Variants in LDLRAD1 observed in about 807,000 individuals in gnomAD.
LDLRAD1 encodes low-density lipoprotein receptor class A domain-containing protein 1.
LDLRAD1 carries 17 observed loss-of-function variants against 24.8 expected under a neutral mutation model. The ratio of observed to expected loss-of-function variants is 0.69; its 90% CI spans 0.47 to 1.03. The LOEUF (loss-of-function observed/expected upper bound fraction) is 1.03, where lower values mean the gene tolerates loss of function less well. Among genes scored for constraint, LDLRAD1 ranks in the 50% least tolerant of loss-of-function variants. The pLI is 0.00. For missense variants in LDLRAD1, 277 were observed against 271.0 expected (o/e 1.02, Z -0.16); for synonymous variants, 103 against 108.2 (o/e 0.95, Z 0.30).
At chr1:54,015,640 CTTTTGTTTT>C (rs964185529) in intron 2 of LDLRAD1, among the ~76,000 whole-genome samples, 33 of 147,194 alleles carry the variant, frequency 2.2e-4, no homozygotes, top group African/African-American at 3.0e-4. Context: ...GTGGTGGGGG[CTTTTGTTTT>C]TTTTGTTTTT....
rs1168850121 is a variant in LDLRAD1, at chr1:54,010,323, C to A, written c.428G>T (p.Gly143Val). ...SWIYSDQKCD[G>V]TNNCGDCSDE... ...TGAACAGTCCCCGCAGTTGTTAGTGCCATCACATTTTTGGTCTGAGTAGAT... is the reference window on the plus strand; with the variant it reads ...TGAACAGTCCCCGCAGTTGTTAGTGACATCACATTTTTGGTCTGAGTAGAT... Residue 143 changes from glycine (G) to valine (V), a missense_variant, in exon 5 of 6, where the codon GGC (glycine) becomes GTC (valine). Gly to Val is a moderately radical substitution (Grantham distance 109). Coordinates refer to ENST00000371360, the MANE Select transcript of LDLRAD1 (RefSeq NM_001010978.4). 7 of 1,613,928 alleles carry A rather than the reference C, an allele frequency of 4.3e-6. No homozygotes were observed. The highest frequency in any genetic ancestry group is 5.9e-6 in the Non-Finnish European group (7 of 1,180,002).
At position 54,008,884 on chromosome 1, in the gene LDLRAD1, A is replaced by T; in HGVS notation, c.*98T>A. The T allele has an allele frequency of 1.3e-5, 12 of 932,004 alleles. No homozygotes were observed. The highest frequency in any genetic ancestry group is 6.4e-5 in the East Asian group (2 of 31,038). The allele number at this position is 932,004 out of a possible 1,614,324, so 57.7% of individuals were successfully genotyped here. The stretch of plus-strand genomic sequence containing the variant: ...AAATGATGTGTAGATCCCATTTCAA[A>T]GGCTGCTTCCTGCCCTTGTGCGCTA... On this transcript the variant is annotated 3_prime_UTR_variant, in exon 6 of 6. Coordinates refer to ENST00000371360, the MANE Select transcript of LDLRAD1 (RefSeq NM_001010978.4).
At chr1:54,014,906 G>A (rs575699956) in intron 2 of LDLRAD1, among the ~76,000 whole-genome samples, 80 of 152,228 alleles carry the variant, frequency 5.3e-4, no homozygotes, top group Middle Eastern at 3.4e-3. Flanking sequence ...CTGGGATGCA[G>A]GTTGGAATCC....
In LDLRAD1 at chr1:54,014,300, G is replaced by A. The variant is rs1656197577; in HGVS notation, c.138C>T (p.Leu46=). The A allele has an allele frequency of 4.5e-6, 7 of 1,550,830 alleles. No individual in the cohort carries two copies. Among genetic ancestry groups the A allele is most frequent in the Non-Finnish European group, 6.1e-6 (7 of 1,147,116 alleles). ...GACLSASLLL[L]LATVAALIAL... ...CGATGAGGGCCGCCACAGTTGCCAGGAGGAGCAGCAGAGAGGCAGAGAGGC... is the reference window on the plus strand; with the variant it reads ...CGATGAGGGCCGCCACAGTTGCCAGAAGGAGCAGCAGAGAGGCAGAGAGGC... Residue 46 remains leucine, a synonymous_variant, in exon 3 of 6, where the codon CTC becomes CTT. Transcript: ENST00000371360.
In LDLRAD1 at chr1:54,014,286, G is replaced by T; in HGVS notation, c.152C>A (p.Ala51Glu). ...ASLLLLLATV[A>E]ALIALVTILG... Reference sequence around the variant, plus strand: ...AATGGTGACCAAGGCGATGAGGGCCGCCACAGTTGCCAGGAGGAGCAGCAG... The same window carrying T: ...AATGGTGACCAAGGCGATGAGGGCCTCCACAGTTGCCAGGAGGAGCAGCAG... The change falls in exon 3 of 6, where the codon GCG becomes GAG. Residue 51 changes from alanine (A) to glutamate (E), a missense_variant. Ala to Glu is a moderately radical substitution (Grantham distance 107). Transcript: ENST00000371360. 1 of 1,551,298 alleles carries T rather than the reference G, an allele frequency of 6.4e-7. No homozygotes were observed. The highest frequency in any genetic ancestry group is 8.7e-7 in the Non-Finnish European group (1 of 1,147,344).
chr1:54,010,496 G>GCAATCA lies in LDLRAD1; in HGVS notation c.341-87_341-86insTGATTG, dbSNP rs1025110359. On this transcript the variant is annotated intron_variant, in intron 4 of 5. Transcript: ENST00000371360. ...ATCGGGAGGAGGATTGACCACCCTGGCAGTGGCCAAACTCAGGATCAGTGC... is the reference window on the plus strand; with the variant it reads ...ATCGGGAGGAGGATTGACCACCCTGGCAATCACAGTGGCCAAACTCAGGATCAGTGC... The GCAATCA allele has an allele frequency of 2.5e-5, 36 of 1,418,154 alleles. No individual in the cohort carries two copies. In the Middle Eastern group the frequency reaches 6.1e-4, roughly 24 times the overall value. 87.8% of individuals were successfully genotyped at this position (1,418,154 alleles called of 1,614,324 possible). A position where few individuals can be genotyped will look rare whatever the true frequency, so the allele number is the denominator to read the frequency against.
chr1:54,011,582 C>T (rs145830092), intron 4 of LDLRAD1, among the ~76,000 whole-genome samples: 1 of 152,296 alleles, frequency 6.6e-6, no homozygotes, highest in Non-Finnish European at 1.5e-5. Context: ...GGGTCAGGCT[C>T]CTCTCTCCTG....
chr1:54,009,193 G>T (rs1655943862), intron 5 of LDLRAD1, 63 bp from the exon 6 acceptor site: 3 of 1,521,276 alleles, frequency 2.0e-6, no homozygotes, highest in South Asian at 1.2e-5. Context: ...GTGCACCAGG[G>T]CACTCCCTAG....
intron 2 of LDLRAD1, among the ~76,000 whole-genome samples, chr1:54,016,163 C>A (rs1569901704): frequency 6.6e-6 from 1 of 152,086 alleles, no homozygotes; most frequent in East Asian, 1.9e-4. Context: ...GAGTAAAGGC[C>A]CAGTGGTTGC....
At position 54,009,055 on chromosome 1, in the gene LDLRAD1, G is replaced by C; in HGVS notation, c.545C>G (p.Pro182Arg). Reference protein sequence around the residue: ...STFFKYCDCIPRHLCRDHVQH... With the variant: ...STFFKYCDCIRRHLCRDHVQH... The stretch of plus-strand genomic sequence containing the variant: ...TACATGGTCGCGGCAGAGATGCCTC[G>C]GTATACAGTCGCAGTACTTGAAGAA... The change falls in exon 6 of 6, where the codon CCG (proline) becomes CGG (arginine). Residue 182 changes from proline to arginine, a missense_variant. By Grantham distance (103) the Pro-to-Arg change is moderately radical. Coordinates refer to ENST00000371360, the MANE Select transcript of LDLRAD1 (RefSeq NM_001010978.4). 6.2e-7 allele frequency: 1 copy of C among 1,614,010 alleles called. No individual in the cohort carries two copies. The highest frequency in any genetic ancestry group is 8.5e-7 in the Non-Finnish European group (1 of 1,179,970).
chr1:54,013,567 C>T (rs1464601269), intron 3 of LDLRAD1, among the ~76,000 whole-genome samples: 1 of 151,984 alleles, frequency 6.6e-6, no homozygotes, highest in Non-Finnish European at 1.5e-5. Flanking sequence ...GCACTGGCCT[C>T]TTGCAGTCTC....
Position 54,008,876 on chromosome 1 carries a change from C to CGGTGGTCGGCGT in LDLRAD1, c.*105_*106insACGCCGACCACC. The CGGTGGTCGGCGT allele has an allele frequency of 1.0e-6, 1 of 986,048 alleles. No homozygotes were observed. Among genetic ancestry groups the CGGTGGTCGGCGT allele is most frequent in the Non-Finnish European group, 1.5e-6 (1 of 675,788 alleles). 61.1% of individuals were successfully genotyped at this position (986,048 alleles called of 1,614,324 possible). A position where few individuals can be genotyped will look rare whatever the true frequency, so the allele number is the denominator to read the frequency against. On this transcript the variant is annotated 3_prime_UTR_variant, in exon 6 of 6. Coordinates refer to ENST00000371360, the MANE Select transcript of LDLRAD1 (RefSeq NM_001010978.4). ...CTATTCAGAAATGATGTGTAGATCC[C>CGGTGGTCGGCGT]ATTTCAAAGGCTGCTTCCTGCCCTT...
chr1:54,009,892 CCATTTACTTA>C (rs911252535), intron 5 of LDLRAD1, among the ~76,000 whole-genome samples: 1 of 152,190 alleles, frequency 6.6e-6, no homozygotes, highest in African/African-American at 2.4e-5. Context: ...CTCAAAGCCT[CCATTTACTTA>C]CATACAAATT....
chr1:54,011,753 GGTGGCAGAT>G (rs1214110252), intron 4 of LDLRAD1, among the ~76,000 whole-genome samples: 2 of 152,210 alleles, frequency 1.3e-5, no homozygotes, highest in Non-Finnish European at 2.9e-5. Context: ...GTCTGATGGG[GGTGGCAGAT>G]GTGCCAATCA....
At chr1:54,015,925 G>T (rs1362737123) in intron 2 of LDLRAD1, among the ~76,000 whole-genome samples, 3 of 152,132 alleles carry the variant, frequency 2.0e-5, no homozygotes, top group South Asian at 4.1e-4. Flanking sequence ...GAAGTGCTGG[G>T]ATTACAGGTG....
Position 54,008,875 on chromosome 1 carries a change from C to CGGTGGAAGCCGTAT in LDLRAD1, c.*106_*107insATACGGCTTCCACC. On this transcript the variant is annotated 3_prime_UTR_variant, in exon 6 of 6. Transcript: ENST00000371360. ...CCTATTCAGAAATGATGTGTAGATC[C>CGGTGGAAGCCGTAT]CATTTCAAAGGCTGCTTCCTGCCCT... The CGGTGGAAGCCGTAT allele has an allele frequency of 1.3e-6, 1 of 761,216 alleles. No homozygotes were observed. The highest frequency in any genetic ancestry group is 4.3e-5 in the South Asian group (1 of 23,396). 47.2% of individuals were successfully genotyped at this position (761,216 alleles called of 1,614,324 possible). A position where few individuals can be genotyped will look rare whatever the true frequency, so the allele number is the denominator to read the frequency against.
intron 2 of LDLRAD1, among the ~76,000 whole-genome samples, chr1:54,015,658 T>G (rs1345944480): frequency 1.5e-5 from 2 of 134,180 alleles, no homozygotes; most frequent in East Asian, 2.6e-4. Flanking sequence ...TTTTTTGTTT[T>G]TTTTGTTTTT....
chr1:54,016,664 C>A (rs1229877723), intron 2 of LDLRAD1, among the ~76,000 whole-genome samples: 1 of 152,208 alleles, frequency 6.6e-6, no homozygotes, highest in Non-Finnish European at 1.5e-5. Flanking sequence ...CACATTTGAA[C>A]CCTGGCCCTC....
At chr1:54,012,336 C>A (rs1656096494) in intron 3 of LDLRAD1, 56 bp from the exon 4 acceptor site, 2 of 1,590,852 alleles carry the variant, frequency 1.3e-6, no homozygotes, top group African/African-American at 1.3e-5. Context: ...CAAGGACAAA[C>A]CTTCCTCACC....
Sources: allele counts gnomAD v4.1 joint callset (sites outside exome capture counted in the v4.1 genomes callset), GRCh38; gene constraint gnomAD v4.1.1; transcripts MANE v1.5; gene names NCBI Gene and HGNC (gene_info 2026-07-23, HGNC 2026-07-21).